MYOCD: variants seen among roughly 807,000 people sequenced by gnomAD.
The protein encoded by MYOCD is myocardin.
A neutral mutation model predicts 96.1 loss-of-function variants in MYOCD; 32 were observed. The observed-to-expected ratio is 0.33, with a 90% CI of 0.25 to 0.45. The LOEUF is 0.45. Ranked by LOEUF, MYOCD falls within the 20% of genes least tolerant of loss-of-function variation. The pLI is 1.00. For missense variants in MYOCD, 1,133 were observed against 1,200.6 expected (o/e 0.94, Z 0.83); for synonymous variants, 469 against 469.0 (o/e 1.00, Z 0.00).
chr17:12,692,738 G>T (rs958804926), intron 1 of MYOCD, among the ~76,000 whole-genome samples: 1 of 152,038 alleles, frequency 6.6e-6, no homozygotes, highest in Non-Finnish European at 1.5e-5. Flanking sequence ...CTATACAGCC[G>T]CACCTGGTTC....
rs778124248 is a variant in MYOCD, at chr17:12,736,223, G to A, written c.478G>A (p.Asp160Asn). The A allele has an allele frequency of 3.2e-5, 51 of 1,614,022 alleles. No individual in the cohort carries two copies. The highest frequency in any genetic ancestry group is 1.8e-4 in the South Asian group (16 of 91,080). The part of the protein sequence containing the change: ...AFAFEEDSSS[D>N]GLSPDQTRSE... ...TGCCTTTGAAGAGGACAGCAGCAGC[G>A]ATGGGCTTTCTCCGGATCAGACTCG... Residue 160 changes from aspartate (D) to asparagine (N), a missense_variant, in exon 6 of 14, where the codon GAT (aspartate) becomes AAT (asparagine). Transcript: ENST00000425538.
chr17:12,768,323 A>C lies in MYOCD; in HGVS notation c.*4679A>C, dbSNP rs1033856306. ...GGGGAGACGATTTCAAGACAGGATG[A>C]GATCTGGGAAGAATTTTGTTGTCAT... On this transcript the variant is annotated 3_prime_UTR_variant, in exon 14 of 14. Coordinates refer to ENST00000425538, the MANE Select transcript of MYOCD (RefSeq NM_001146312.3). 1 of 152,180 alleles carries C rather than the reference A, an allele frequency of 6.6e-6. No individual in the cohort carries two copies. Among genetic ancestry groups the C allele is most frequent in the African/African-American group, 2.4e-5 (1 of 41,440 alleles). The allele number at this position is 152,180 out of a possible 1,614,324, so 9.4% of individuals were successfully genotyped here.
intron 7 of MYOCD, among the ~76,000 whole-genome samples, chr17:12,743,463 C>T (rs1020919252): frequency 1.1e-4 from 17 of 148,824 alleles, no homozygotes; most frequent in African/African-American, 4.0e-4. Context: ...CTAAAAGTGA[C>T]TGCACATATG....
intron 1 of MYOCD, among the ~76,000 whole-genome samples, chr17:12,694,289 C>G (rs2030631132): frequency 6.6e-6 from 1 of 152,156 alleles, no homozygotes; most frequent in East Asian, 1.9e-4. Context: ...GCAAAAGCTG[C>G]AGGTGGCTGT....
intron 5 of MYOCD, among the ~76,000 whole-genome samples, chr17:12,729,291 T>C (rs1301198999): frequency 6.6e-6 from 1 of 151,688 alleles, no homozygotes. Flanking sequence ...TGGGAAAGAG[T>C]TGGGCAAGAG....
At position 12,715,923 on chromosome 17, in the gene MYOCD, C is replaced by T. The variant is rs139567117; in HGVS notation, c.177+349C>T. The stretch of plus-strand genomic sequence containing the variant: ...ACCTGTTATTACTGTCATTTCTTAA[C>T]AACAATCAGATTTTAAAAAATCCAA... On this transcript the variant is annotated intron_variant, in intron 3 of 13. Transcript: ENST00000425538. 1.2e-3 allele frequency among the ~76,000 whole-genome samples: 188 copies of T among 152,136 alleles called. 1 individual carries two copies. Among genetic ancestry groups the T allele is most frequent in the African/African-American group, 4.0e-3 (168 of 41,508 alleles).
intron 5 of MYOCD, among the ~76,000 whole-genome samples, chr17:12,724,547 G>T (rs1400194297): frequency 6.6e-6 from 1 of 151,830 alleles, no homozygotes; most frequent in Non-Finnish European, 1.5e-5. Flanking sequence ...ACCTATAGCA[G>T]TTCCTAATTA....
intron 13 of MYOCD, chr17:12,761,318 C>G (rs1355009348): frequency 6.6e-6 from 1 of 151,004 alleles, no homozygotes; most frequent in Non-Finnish European, 1.5e-5. Context: ...GGGAGGAATC[C>G]TTAAGCCAAA....
chr17:12,673,047 T>C (rs1909799089), intron 1 of MYOCD, among the ~76,000 whole-genome samples: 1 of 152,180 alleles, frequency 6.6e-6, no homozygotes, highest in South Asian at 2.1e-4. Context: ...AATATCCTCA[T>C]TTCACAGATG....
At chr17:12,722,553 A>G (rs1483018515) in intron 4 of MYOCD, among the ~76,000 whole-genome samples, 1 of 152,212 alleles carries the variant, frequency 6.6e-6, no homozygotes, top group Non-Finnish European at 1.5e-5. Flanking sequence ...TAGGCAAACA[A>G]TACAGGCCCT....
At chr17:12,723,562 C>T (rs942843804) in intron 5 of MYOCD, among the ~76,000 whole-genome samples, 1 of 152,176 alleles carries the variant, frequency 6.6e-6, no homozygotes. Flanking sequence ...GACAAATACT[C>T]AAAAAGGAGA....
Position 12,763,710 on chromosome 17 carries a change from C to T in MYOCD, c.*66C>T. ...CCATGGGGGAAAGCACACAGCCATA[C>T]ATACTTTACTGTCCAAAAACAGAAG... On this transcript the variant is annotated 3_prime_UTR_variant, in exon 14 of 14. Transcript: ENST00000425538. 1.5e-6 allele frequency: 2 copies of T among 1,339,848 alleles called. No individual in the cohort carries two copies. The highest frequency in any genetic ancestry group is 4.7e-5 in the East Asian group (2 of 42,750). The allele number at this position is 1,339,848 out of a possible 1,614,324, so 83.0% of individuals were successfully genotyped here.
At chr17:12,718,395 G>T (rs1402365481) in intron 4 of MYOCD, among the ~76,000 whole-genome samples, 1 of 152,106 alleles carries the variant, frequency 6.6e-6, no homozygotes, top group East Asian at 1.9e-4. Context: ...AGATGGAAGG[G>T]GGTCGCAGTC....
At chr17:12,682,852 G>A (rs921735297) in intron 1 of MYOCD, among the ~76,000 whole-genome samples, 8 of 152,220 alleles carry the variant, frequency 5.3e-5, no homozygotes, top group Non-Finnish European at 8.8e-5. Context: ...TGTGCTGATA[G>A]CTTTCTGCCA....
At chr17:12,670,263 T>C (rs908517666) in intron 1 of MYOCD, among the ~76,000 whole-genome samples, 1 of 152,214 alleles carries the variant, frequency 6.6e-6, no homozygotes, top group Non-Finnish European at 1.5e-5. Context: ...CTCCAATAGA[T>C]GCAGGATCAG....
intron 5 of MYOCD, among the ~76,000 whole-genome samples, chr17:12,730,501 T>TA (rs1174240280): frequency 2.0e-5 from 3 of 147,352 alleles, no homozygotes; most frequent in East Asian, 2.0e-4. Context: ...GGGATCTGAG[T>TA]AAAAAAAATT....
chr17:12,688,586 T>G (rs1220139716), intron 1 of MYOCD, among the ~76,000 whole-genome samples: 1 of 146,386 alleles, frequency 6.8e-6, no homozygotes, highest in Admixed American at 6.9e-5. Context: ...CCGTCCCTCC[T>G]TCCTTCCATC....
At chr17:12,709,569 T>G (rs2031416423) in intron 2 of MYOCD, among the ~76,000 whole-genome samples, 1 of 144,698 alleles carries the variant, frequency 6.9e-6, no homozygotes, top group Non-Finnish European at 1.5e-5. Context: ...AATAAAATAG[T>G]CTCTCAAAGT....
At chr17:12,697,998 A>C (rs573968597) in intron 1 of MYOCD, among the ~76,000 whole-genome samples, 2 of 152,204 alleles carry the variant, frequency 1.3e-5, no homozygotes, top group Non-Finnish European at 2.9e-5. Flanking sequence ...AAAGGCAAAC[A>C]ATGTGAATGC....
Sources: allele counts gnomAD v4.1 joint callset (sites outside exome capture counted in the v4.1 genomes callset), GRCh38; gene constraint gnomAD v4.1.1; transcripts MANE v1.5; gene names NCBI Gene and HGNC (gene_info 2026-07-23, HGNC 2026-07-21).